AHCY: variants seen among roughly 807,000 people sequenced by gnomAD.
AHCY encodes the protein adenosylhomocysteinase, also known as S-adenosyl-L-homocysteine hydrolase.
In AHCY, 24 loss-of-function variants were observed where a neutral mutation model predicts 45.4. That is an observed-to-expected ratio of 0.53 (90% CI 0.38 to 0.74). The LOEUF (loss-of-function observed/expected upper bound fraction) is 0.74. Among genes scored for constraint, AHCY ranks in the 30% least tolerant of loss-of-function variants. The pLI, the probability that AHCY is intolerant of heterozygous loss-of-function variation, is 0.00. For missense variants in AHCY, 449 were observed against 594.1 expected, an observed-to-expected ratio of 0.76 and a Z score of 2.54; for synonymous variants, 245 against 235.1, an observed-to-expected ratio of 1.04 and a Z score of -0.39.
chr20:34,283,115 G>C (rs2036056365), intron 9 of AHCY, among the ~76,000 whole-genome samples: 1 of 152,158 alleles, frequency 6.6e-6, no homozygotes, highest in South Asian at 2.1e-4. Flanking sequence ...TCCAGAGGTA[G>C]AACGATGGCC....
the AHCY span, among the ~76,000 whole-genome samples, chr20:34,257,086 T>C: frequency 6.6e-6 from 1 of 151,442 alleles, no homozygotes; most frequent in Non-Finnish European, 1.5e-5. Context: ...TTTTTTTGTT[T>C]TTTGTTTTTT....
chr20:34,260,573 G>T, the AHCY span: 1 of 1,554,850 alleles, frequency 6.4e-7, no homozygotes, highest in South Asian at 1.2e-5. Flanking sequence ...CCAGGAGAGG[G>T]GCTGCAGGAG....
chr20:34,246,187 T>C, the AHCY span: 1 of 1,221,464 alleles, frequency 8.2e-7, no homozygotes, highest in East Asian at 2.4e-5. Flanking sequence ...CTCTAGGAAT[T>C]TTGGCCTTAG....
Position 34,294,128 on chromosome 20 carries a change from G to A in AHCY, c.248C>T (p.Ser83Phe). The change falls in exon 3 of 10, where the codon TCC (serine) becomes TTC (phenylalanine). Residue 83 changes from serine (S) to phenylalanine (F), a missense_variant. Coordinates refer to ENST00000217426, the MANE Select transcript of AHCY (RefSeq NM_000687.4). ...EVQWSSCNIF[S>F]TQDHAAAAIA... ...GGCAGCCGCCGCATGGTCCTGGGTG[G>A]AGAAGATGTTGCAGCTGGACCACTG... 6.2e-7 allele frequency: 1 copy of A among 1,613,786 alleles called. No individual in the cohort carries two copies. Among genetic ancestry groups the A allele is most frequent in the Non-Finnish European group, 8.5e-7 (1 of 1,180,034 alleles).
chr20:34,259,196 A>G, the AHCY span, among the ~76,000 whole-genome samples: 5 of 135,726 alleles, frequency 3.7e-5, no homozygotes, highest in Non-Finnish European at 1.6e-5. Context: ...GGTGACAGTG[A>G]GACTCTGTCT....
At chr20:34,242,752 C>T in the AHCY span, among the ~76,000 whole-genome samples, 3 of 152,250 alleles carry the variant, frequency 2.0e-5, no homozygotes, top group Non-Finnish European at 4.4e-5. Flanking sequence ...CAGAAAATTT[C>T]ATCTCACATC....
the AHCY span, among the ~76,000 whole-genome samples, chr20:34,236,480 G>A: frequency 5.3e-5 from 8 of 152,140 alleles, no homozygotes; most frequent in East Asian, 5.8e-4. Context: ...GGAGGTGGAC[G>A]TTGCAGTGAG....
intron 1 of AHCY, among the ~76,000 whole-genome samples, chr20:34,301,384 C>G (rs1249947365): frequency 6.6e-6 from 1 of 152,144 alleles, no homozygotes; most frequent in Non-Finnish European, 1.5e-5. Flanking sequence ...ACCCTCAACT[C>G]CAAAGGCACA....
At chr20:34,287,823 A>G (rs1555832888) in intron 8 of AHCY, among the ~76,000 whole-genome samples, 1 of 152,186 alleles carries the variant, frequency 6.6e-6, no homozygotes, top group Non-Finnish European at 1.5e-5. Context: ...GGAGTGGTCA[A>G]TTATGGCCTG....
intron 9 of AHCY, among the ~76,000 whole-genome samples, chr20:34,283,956 G>T (rs1482694834): frequency 2.0e-5 from 3 of 152,190 alleles, no homozygotes. Flanking sequence ...TAGCTCATAA[G>T]GAGACTGAGG....
At chr20:34,257,927 T>C in the AHCY span, among the ~76,000 whole-genome samples, 1 of 152,138 alleles carries the variant, frequency 6.6e-6, no homozygotes, top group African/African-American at 2.4e-5. Flanking sequence ...GCAGATCACT[T>C]GAGGTCAGGA....
intron 1 of AHCY, among the ~76,000 whole-genome samples, chr20:34,310,458 T>A (rs2036936654): frequency 6.6e-6 from 1 of 152,226 alleles, no homozygotes; most frequent in Non-Finnish European, 1.5e-5. Context: ...CTCCTCATAC[T>A]TTGGTTTTGG....
At chr20:34,294,597 G>A (rs1319958289) in intron 2 of AHCY, among the ~76,000 whole-genome samples, 1 of 152,150 alleles carries the variant, frequency 6.6e-6, no homozygotes, top group Non-Finnish European at 1.5e-5. Flanking sequence ...CCAGATTCGT[G>A]AATTGAGAGA....
At chr20:34,301,742 G>A (rs2036779943) in intron 1 of AHCY, 2 of 887,104 alleles carry the variant, frequency 2.3e-6, no homozygotes, top group African/African-American at 1.8e-5. Context: ...TACTATTGAT[G>A]TGACCTTCAC....
At chr20:34,241,364 T>A in the AHCY span, 1 of 783,726 alleles carries the variant, frequency 1.3e-6, no homozygotes, top group East Asian at 1.3e-4. Context: ...TTTGAAATAA[T>A]TTTGTAGTAT....
chr20:34,233,023 C>T, the AHCY span, among the ~76,000 whole-genome samples: 2 of 152,144 alleles, frequency 1.3e-5, no homozygotes, highest in Non-Finnish European at 2.9e-5. Flanking sequence ...TGTTCTCCTT[C>T]CACAGCTACA....
chr20:34,257,364 C>A, the AHCY span, among the ~76,000 whole-genome samples: 1 of 152,134 alleles, frequency 6.6e-6, no homozygotes, highest in East Asian at 1.9e-4. Flanking sequence ...GGATTATAGG[C>A]GTGAGCCACC....
intron 8 of AHCY, among the ~76,000 whole-genome samples, chr20:34,287,197 GCACT>G (rs955634933): frequency 6.6e-6 from 1 of 152,024 alleles, no homozygotes; most frequent in African/African-American, 2.4e-5. Context: ...CAATCAATAA[GCACT>G]CACTGATACC....
chr20:34,289,174 TTTTG>T (rs1046632820), intron 8 of AHCY, among the ~76,000 whole-genome samples: 5 of 150,694 alleles, frequency 3.3e-5, no homozygotes, highest in African/African-American at 9.8e-5. Flanking sequence ...CAGCTGATTT[TTTTG>T]TTTGTTTGTT....
Sources: gnomAD v4.1 joint callset for allele counts (sites outside exome capture counted in the v4.1 genomes callset) on GRCh38, gnomAD v4.1.1 for gene constraint, MANE v1.5 for transcripts, NCBI Gene and HGNC (gene_info 2026-07-23, HGNC 2026-07-21) for gene names.